The following FAT4 variants were observed in gnomAD, a reference collection of about 807,000 sequenced individuals.
The protein encoded by FAT4 is FAT atypical cadherin 4, also known as protocadherin Fat 4.
FAT4 carries 84 observed loss-of-function variants against 303.9 expected under a neutral mutation model. The observed-to-expected ratio is 0.28, with a 90% CI of 0.23 to 0.33. FAT4 has a LOEUF of 0.33. Ranked by LOEUF, FAT4 falls within the 10% of genes least tolerant of loss-of-function variation. The pLI is 1.00. For missense variants in FAT4, 6,005 were observed against 6,146.8 expected, an observed-to-expected ratio of 0.98 and a Z score of 0.77; for synonymous variants, 2,307 against 2,298.8, an observed-to-expected ratio of 1.00 and a Z score of -0.10.
At chr4:125,470,531 C>T (rs1376574933) in intron 12 of FAT4, among the ~76,000 whole-genome samples, 3 of 152,186 alleles carry the variant, frequency 2.0e-5, no homozygotes, top group Non-Finnish European at 4.4e-5. Flanking sequence ...TAACTTGCTG[C>T]AGCTTCTATA....
Position 125,321,393 on chromosome 4 carries a change from C to A in FAT4, c.4982C>A (p.Ala1661Asp). ...GCAGCTAGCCCCAGAGGATCTGAGG[C>A]CCCAGTGGAGTATTATATTGTTTCA... ...IEAASPRGSE[A>D]PVEYYIVSVR... is the part of the protein sequence containing the mutation. The change falls in exon 2 of 18, where the codon GCC (alanine) becomes GAC (aspartate). Residue 1661 changes from alanine (A) to aspartate (D), a missense_variant. By Grantham distance (126) the Ala-to-Asp change is moderately radical (BLOSUM62 -2). Transcript: ENST00000394329. 6.2e-7 allele frequency: 1 copy of A among 1,614,076 alleles called. No homozygotes were observed. The highest frequency in any genetic ancestry group is 8.5e-7 in the Non-Finnish European group (1 of 1,179,976).
intron 17 of FAT4, 91 bp downstream of exon 17, chr4:125,487,697 A>G (rs1578701019): frequency 1.5e-6 from 2 of 1,309,966 alleles, no homozygotes; most frequent in East Asian, 2.4e-5. Flanking sequence ...TACACATTTA[A>G]CATGAATCTC....
intron 12 of FAT4, among the ~76,000 whole-genome samples, chr4:125,470,423 C>T (rs2126077800): frequency 6.6e-6 from 1 of 152,268 alleles, no homozygotes; most frequent in South Asian, 2.1e-4. Flanking sequence ...TATGAAAATC[C>T]TAGATGACAT....
In FAT4 at chr4:125,319,004, A is replaced by G. The variant is rs1730793838; in HGVS notation, c.2593A>G (p.Lys865Glu). The change falls in exon 2 of 18, where the codon AAG (lysine) becomes GAG (glutamate). Residue 865 changes from lysine to glutamate, a missense_variant. Coordinates refer to ENST00000394329, the MANE Select transcript of FAT4 (RefSeq NM_001291303.3). ...AGAAGAGCAATCCTTTTATCAGCTG[A>G]AGGTAGTGGCCAGTGGGGGCACAGT... ...DREEQSFYQL[K>E]VVASGGTVTG... 3 of 1,614,228 alleles carry G rather than the reference A, an allele frequency of 1.9e-6. No homozygotes were observed. The highest frequency in any genetic ancestry group is 2.2e-5 in the South Asian group (2 of 91,088).
At chr4:125,387,496 A>G (rs1324668019) in intron 2 of FAT4, among the ~76,000 whole-genome samples, 1 of 151,784 alleles carries the variant, frequency 6.6e-6, no homozygotes, top group African/African-American at 2.4e-5. Context: ...GTTTGTTTAA[A>G]TTTTCTATTC....
rs767606047 is a variant in FAT4, at chr4:125,321,248, T to A, written c.4837T>A (p.Ser1613Thr). 4.3e-5 allele frequency: 70 copies of A among 1,614,010 alleles called. No individual in the cohort carries two copies. Among genetic ancestry groups the A allele is most frequent in the Non-Finnish European group, 5.8e-5 (68 of 1,180,018 alleles). ...ATDLGPERRK[S>T]TTELTIILQG... ...AGACCTTGGGCCTGAAAGGAGGAAA[T>A]CGACCACTGAATTGACCATCATTCT... is the stretch of plus-strand genomic sequence containing the variant. Residue 1613 changes from serine (S) to threonine (T), a missense_variant, in exon 2 of 18, where the codon TCG becomes ACG. Coordinates refer to ENST00000394329, the MANE Select transcript of FAT4 (RefSeq NM_001291303.3).
intron 7 of FAT4, among the ~76,000 whole-genome samples, chr4:125,419,500 A>G (rs1735202642): frequency 2.6e-5 from 4 of 152,310 alleles, no homozygotes; most frequent in South Asian, 2.1e-4. Flanking sequence ...CTAACTGCCT[A>G]TCTTTTCTCC....
At chr4:125,352,983 T>C (rs1732289996) in intron 2 of FAT4, among the ~76,000 whole-genome samples, 1 of 151,794 alleles carries the variant, frequency 6.6e-6, no homozygotes, top group Non-Finnish European at 1.5e-5. Context: ...TTTTAATTCC[T>C]GGTTAGCCCT....
At chr4:125,328,982 A>G (rs990978578) in intron 2 of FAT4, among the ~76,000 whole-genome samples, 2 of 152,172 alleles carry the variant, frequency 1.3e-5, no homozygotes, top group Non-Finnish European at 2.9e-5. Context: ...ATGAAAAAAT[A>G]TAAGATAAAA....
intron 16 of FAT4, among the ~76,000 whole-genome samples, chr4:125,482,681 G>GA: frequency 6.6e-6 from 1 of 151,782 alleles, no homozygotes; most frequent in Admixed American, 6.6e-5. Context: ...ACTACTCCAG[G>GA]GATAGTTCAC....
At chr4:125,381,389 C>G (rs1733533998) in intron 2 of FAT4, among the ~76,000 whole-genome samples, 1 of 152,112 alleles carries the variant, frequency 6.6e-6, no homozygotes, top group Admixed American at 6.6e-5. Context: ...TTCTAGACAA[C>G]TGCAATAAAG....
chr4:125,316,321 C>T lies in FAT4; in HGVS notation c.-12-79C>T. The T allele has an allele frequency of 3.4e-6, 5 of 1,485,536 alleles. No homozygotes were observed. 92.0% of individuals were successfully genotyped at this position (1,485,536 alleles called of 1,614,324 possible). On this transcript the variant is annotated intron_variant, in intron 1 of 17. Coordinates refer to ENST00000394329, the MANE Select transcript of FAT4 (RefSeq NM_001291303.3). The surrounding 1 kb of genome is among the most constrained non-coding windows in gnomAD (Gnocchi z 5.7). ...TCTCAGACCAAGCCGTCAGCTGAAT[C>T]TTTGCTGGCGCTCCTTAATCCCTGT... is the stretch of plus-strand genomic sequence containing the variant.
intron 12 of FAT4, among the ~76,000 whole-genome samples, chr4:125,472,600 T>C (rs151295202): frequency 6.6e-6 from 1 of 152,326 alleles, no homozygotes; most frequent in African/African-American, 2.4e-5. Context: ...ACAAAATTTG[T>C]CATTTGATCT....
rs35020841 is a variant in FAT4 at position 125,364,124 on chromosome 4, T to TTCTC, written c.5176-34644_5176-34641dup. Among the ~76,000 whole-genome samples, 1,082 of 150,034 alleles carry TTCTC rather than the reference T, an allele frequency of 7.2e-3. 7 individuals carry two copies. Among genetic ancestry groups the TTCTC allele is most frequent in the African/African-American group, 0.024 (980 of 40,880 alleles). On this transcript the variant is annotated intron_variant, in intron 2 of 17. Coordinates refer to ENST00000394329, the MANE Select transcript of FAT4 (RefSeq NM_001291303.3). Reference sequence around the variant, plus strand: ...TTACTTTTGTGGATGTTCCTATTCCTTCTCTCTCTCTCTCTCTCTTTCTCT... The same window carrying TTCTC: ...TTACTTTTGTGGATGTTCCTATTCCTTCTCTCTCTCTCTCTCTCTCTCTTTCTCT...
chr4:125,373,864 A>G (rs2125993538), intron 2 of FAT4, among the ~76,000 whole-genome samples: 1 of 152,340 alleles, frequency 6.6e-6, no homozygotes, highest in Non-Finnish European at 1.5e-5. Context: ...GCAAGAAACC[A>G]TTGTTTAATA....
At chr4:125,429,295 CA>C in intron 7 of FAT4, among the ~76,000 whole-genome samples, 1 of 152,274 alleles carries the variant, frequency 6.6e-6, no homozygotes, top group South Asian at 2.1e-4. Flanking sequence ...AGAGTTAATA[CA>C]GACAGAGCAC....
intron 6 of FAT4, 56 bp from the exon 7 acceptor site, chr4:125,416,392 A>G: frequency 6.9e-7 from 1 of 1,440,534 alleles, no homozygotes; most frequent in Non-Finnish European, 9.4e-7. Flanking sequence ...GAGGCATTTT[A>G]TTTCATGAGA....
intron 2 of FAT4, among the ~76,000 whole-genome samples, chr4:125,336,461 A>T (rs1242144929): frequency 6.6e-6 from 1 of 152,058 alleles, no homozygotes; most frequent in Non-Finnish European, 1.5e-5. Flanking sequence ...TAGGGAAACG[A>T]ATAAAAATAT....
chr4:125,375,975 T>G (rs1733298528), intron 2 of FAT4, among the ~76,000 whole-genome samples: 1 of 152,228 alleles, frequency 6.6e-6, no homozygotes, highest in Non-Finnish European at 1.5e-5. Context: ...AGTAACTGAC[T>G]AATAGCGTCA....
Sources: gnomAD v4.1 joint callset for allele counts (sites outside exome capture counted in the v4.1 genomes callset) on GRCh38, gnomAD v4.1.1 for gene constraint, Gnocchi (gnomAD v3.1) non-coding constraint, MANE v1.5 for transcripts, NCBI Gene and HGNC (gene_info 2026-07-23, HGNC 2026-07-21) for gene names.